Variants in KANK1 observed in about 807,000 individuals in gnomAD.
KANK1 encodes KN motif and ankyrin repeat domains 1, also known as KN motif and ankyrin repeat domain-containing protein 1.
Under a neutral mutation model 106.2 loss-of-function variants are expected in KANK1, and 109 were observed. That is an observed-to-expected ratio of 1.03 (90% CI 0.88 to 1.20). The LOEUF (loss-of-function observed/expected upper bound fraction) is 1.20. Ranked by LOEUF, KANK1 falls within the 50% of genes most tolerant of loss-of-function variation. The pLI, the probability that KANK1 is intolerant of heterozygous loss-of-function variation, is 0.00. For missense variants in KANK1, 2,399 were observed against 1,710.7 expected (o/e 1.40, Z -7.10); for synonymous variants, 873 against 652.2 (o/e 1.34, Z -5.16).
chr9:537,829 A>G (rs1423660207), intron 1 of KANK1, among the ~76,000 whole-genome samples: 3 of 152,232 alleles, frequency 2.0e-5, no homozygotes, highest in African/African-American at 4.8e-5. Context: ...ATAGAATGTC[A>G]GTAGTGCTGA....
At chr9:518,524 ACT>A (rs1437577759) in intron 1 of KANK1, among the ~76,000 whole-genome samples, 1 of 151,494 alleles carries the variant, frequency 6.6e-6, no homozygotes, top group Non-Finnish European at 1.5e-5. Flanking sequence ...TAGAATCGAA[ACT>A]CTACTATTTC....
Position 613,665 on chromosome 9 carries a change from A to G in KANK1, c.-83-63225A>G, listed in dbSNP as rs189525948. 1.7e-4 allele frequency among the ~76,000 whole-genome samples: 26 copies of G among 152,310 alleles called. 1 individual carries two copies. Among genetic ancestry groups the G allele is most frequent in the Admixed American group, 1.2e-3 (19 of 15,304 alleles). ...GGAATCCACAGAGAGCAAACTCTCT[A>G]TTACTAACTTTTTTCCTCTTCTCAA... On this transcript the variant is annotated intron_variant, in intron 1 of 11. Coordinates refer to ENST00000382297, the MANE Select transcript of KANK1 (RefSeq NM_015158.5).
intron 2 of KANK1, among the ~76,000 whole-genome samples, chr9:691,573 T>G (rs1391352314): frequency 2.0e-5 from 3 of 150,688 alleles, no homozygotes; most frequent in African/African-American, 7.3e-5. Flanking sequence ...TATTAAATCT[T>G]AGTTTGGAAT....
intron 6 of KANK1, chr9:733,763 GAAA>G (rs1203083737): frequency 6.6e-6 from 1 of 151,774 alleles, no homozygotes; most frequent in Admixed American, 6.6e-5. Flanking sequence ...CCCTGTCTCA[GAAA>G]AAAAGTAATT....
chr9:656,141 T>C (rs1842088566), intron 1 of KANK1, among the ~76,000 whole-genome samples: 1 of 152,244 alleles, frequency 6.6e-6, no homozygotes. Context: ...CCTGTGTCTC[T>C]GGCTTGAGCC....
intron 1 of KANK1, among the ~76,000 whole-genome samples, chr9:617,341 G>A (rs1008195505): frequency 2.6e-5 from 4 of 152,110 alleles, no homozygotes; most frequent in Non-Finnish European, 5.9e-5. Context: ...AAATGGAATT[G>A]GTTAGGAGAA....
At chr9:631,162 C>T (rs1011728026) in intron 1 of KANK1, among the ~76,000 whole-genome samples, 5 of 152,090 alleles carry the variant, frequency 3.3e-5, no homozygotes, top group Non-Finnish European at 5.9e-5. Flanking sequence ...TTTCCTTACT[C>T]CTTTGCCTTT....
chr9:745,109 C>G (rs1002246091), intron 11 of KANK1, 64 bp from the exon 12 acceptor site: 1 of 1,587,266 alleles, frequency 6.3e-7, no homozygotes, highest in Non-Finnish European at 8.6e-7. Context: ...TCCTATGTCA[C>G]AGGGTACACA....
chr9:690,554 T>A (rs1409952096), intron 2 of KANK1, among the ~76,000 whole-genome samples: 1 of 151,548 alleles, frequency 6.6e-6, no homozygotes, highest in Non-Finnish European at 1.5e-5. Context: ...AGAAGAATTG[T>A]GCACAGTGGG....
At chr9:497,410 T>C (rs1445325557) in intron 3 of KANK1, among the ~76,000 whole-genome samples, 1 of 149,846 alleles carries the variant, frequency 6.7e-6, no homozygotes, top group Non-Finnish European at 1.5e-5. Context: ...TCATTGGTGC[T>C]CAGGTATGCA....
At chr9:612,144 C>A (rs1241727666) in intron 1 of KANK1, among the ~76,000 whole-genome samples, 1 of 152,196 alleles carries the variant, frequency 6.6e-6, no homozygotes, top group East Asian at 1.9e-4. Context: ...CCACCTATGC[C>A]TCTTAAATTG....
Position 742,210 on chromosome 9 carries a change from A to G in KANK1, c.3702A>G (p.Gly1234=). ...GDVNAKASQA[G]QTALMLAVSH... is the part of the protein sequence containing the mutation. ...CTTGTCATCTCTTCCCATAGGCGGG[A>G]CAGACGGCCCTCATGCTGGCGGTCA... The change falls in exon 10 of 12, where the codon GGA becomes GGG. Residue 1234 remains glycine (G), a synonymous_variant. Transcript: ENST00000382297. 1 of 1,614,038 alleles carries G rather than the reference A, an allele frequency of 6.2e-7. No individual in the cohort carries two copies. The highest frequency in any genetic ancestry group is 1.1e-5 in the South Asian group (1 of 91,080).
At chr9:717,199 C>T (rs1474283392) in intron 3 of KANK1, among the ~76,000 whole-genome samples, 1 of 151,836 alleles carries the variant, frequency 6.6e-6, no homozygotes, top group Admixed American at 6.6e-5. Context: ...GTGGGAAGAT[C>T]ACCGGCGCCC....
At chr9:539,208 G>A (rs1213460793) in intron 1 of KANK1, among the ~76,000 whole-genome samples, 2 of 152,100 alleles carry the variant, frequency 1.3e-5, no homozygotes, top group Non-Finnish European at 2.9e-5. Flanking sequence ...TAAATGTCAT[G>A]CATGTTTTTG....
chr9:664,012 C>T (rs917677763), intron 1 of KANK1, among the ~76,000 whole-genome samples: 1 of 152,034 alleles, frequency 6.6e-6, no homozygotes, highest in Non-Finnish European at 1.5e-5. Context: ...TTGTAGTTCC[C>T]ATAATCTCGT....
At chr9:514,435 A>G (rs940912363) in intron 1 of KANK1, among the ~76,000 whole-genome samples, 1 of 150,268 alleles carries the variant, frequency 6.7e-6, no homozygotes, top group Non-Finnish European at 1.5e-5. Context: ...GGAGCCACAG[A>G]CCAATCTGAC....
At chr9:645,250 G>C (rs1381658744) in intron 1 of KANK1, among the ~76,000 whole-genome samples, 1 of 149,856 alleles carries the variant, frequency 6.7e-6, no homozygotes, top group African/African-American at 2.5e-5. Context: ...AGATCAGCCT[G>C]GCCAACATGG....
At chr9:557,250 T>A (rs1383751328) in intron 1 of KANK1, among the ~76,000 whole-genome samples, 1 of 151,208 alleles carries the variant, frequency 6.6e-6, no homozygotes, top group Non-Finnish European at 1.5e-5. Context: ...TTCTTATAAG[T>A]GAAAAGATAT....
intron 1 of KANK1, among the ~76,000 whole-genome samples, chr9:657,919 A>G (rs76030257): frequency 0.068 from 10,351 of 151,876 alleles, 442 homozygotes; most frequent in African/African-American, 0.12. Flanking sequence ...CTCTCCCTAA[A>G]TTGCCCAGGC....
Sources: allele counts gnomAD v4.1 joint callset (sites outside exome capture counted in the v4.1 genomes callset), GRCh38; gene constraint gnomAD v4.1.1; transcripts MANE v1.5; gene names NCBI Gene and HGNC (gene_info 2026-07-23, HGNC 2026-07-21).